ROBO2: variants seen among roughly 807,000 people sequenced by gnomAD.
The protein encoded by ROBO2 is roundabout homolog 2.
A neutral mutation model predicts 160.8 loss-of-function variants in ROBO2; 53 were observed. That is an observed-to-expected ratio of 0.33 (90% CI 0.26 to 0.41). The LOEUF (loss-of-function observed/expected upper bound fraction) is 0.41. Ranked by LOEUF, ROBO2 falls within the 10% of genes least tolerant of loss-of-function variation. The probability of loss-of-function intolerance (pLI) is 1.00; values close to 1 mark genes in which losing one functional copy is unlikely to be tolerated. For synonymous variants in ROBO2, 664 were observed against 611.7 expected, an observed-to-expected ratio of 1.09 and a Z score of -1.26; for missense variants, 1,577 against 1,722.4, an observed-to-expected ratio of 0.92 and a Z score of 1.49.
intron 2 of ROBO2, among the ~76,000 whole-genome samples, chr3:76,906,440 A>C (rs2148902510): frequency 6.6e-6 from 1 of 151,980 alleles, no homozygotes; most frequent in Non-Finnish European, 1.5e-5. Context: ...TAGGTTATTT[A>C]GCTGCACAGA....
At chr3:77,449,882 A>C (rs2080946328) in intron 2 of ROBO2, among the ~76,000 whole-genome samples, 1 of 152,150 alleles carries the variant, frequency 6.6e-6, no homozygotes, top group African/African-American at 2.4e-5. Context: ...AACAAGCCAC[A>C]GACCTTCTTG....
At chr3:76,394,452 C>T (rs536204682) in intron 2 of ROBO2, among the ~76,000 whole-genome samples, 4 of 152,242 alleles carry the variant, frequency 2.6e-5, no homozygotes, top group African/African-American at 9.6e-5. Context: ...TATCGGCCCC[C>T]ACTCTCTTCT....
intron 2 of ROBO2, among the ~76,000 whole-genome samples, chr3:76,933,350 G>A (rs1290304097): frequency 6.6e-6 from 1 of 152,050 alleles, no homozygotes; most frequent in Admixed American, 6.6e-5. Flanking sequence ...AATTACTTCA[G>A]CAAATTTTTA....
rs558261625 is a variant in ROBO2 at position 76,264,048 on chromosome 3, A to AT, written c.109+326447dup. ...AACACATGGACACAGGGAGAGGAAT[A>AT]TCACACTCCTGGGCCTTTCAGGGAG... On this transcript the variant is annotated intron_variant, in intron 2 of 26. Coordinates refer to the ROBO2 transcript ENST00000487694. 1.3e-3 allele frequency among the ~76,000 whole-genome samples: 192 copies of AT among 152,236 alleles called. 1 individual carries two copies. Among genetic ancestry groups the AT allele is most frequent in the African/African-American group, 4.4e-3 (183 of 41,564 alleles).
At chr3:77,503,437 T>C (rs561918003) in intron 5 of ROBO2, among the ~76,000 whole-genome samples, 2 of 150,966 alleles carry the variant, frequency 1.3e-5, no homozygotes, top group East Asian at 1.9e-4. Flanking sequence ...GGCAGGAGAA[T>C]GGCGTCAACC....
intron 1 of ROBO2, among the ~76,000 whole-genome samples, chr3:77,050,118 G>A (rs1449685364): frequency 1.3e-5 from 2 of 152,076 alleles, no homozygotes; most frequent in African/African-American, 4.8e-5. Context: ...TAGATTTCAG[G>A]GTTAGAGTAA....
intron 2 of ROBO2, among the ~76,000 whole-genome samples, chr3:77,305,827 G>T (rs1294665225): frequency 6.6e-6 from 1 of 152,138 alleles, no homozygotes; most frequent in Non-Finnish European, 1.5e-5. Flanking sequence ...TCTCCAGATG[G>T]AGTATGAAAT....
chr3:77,642,438 C>T lies in ROBO2; in HGVS notation c.3935-2266C>T, dbSNP rs188909891. Among the ~76,000 whole-genome samples, 5 of 152,306 alleles carry T rather than the reference C, an allele frequency of 3.3e-5. No individual in the cohort carries two copies. In the East Asian group the frequency reaches 5.8e-4, roughly 18 times the overall value. ...AATATGTAACTGAAAACACTTTCCA[C>T]ATTTAACTGTTGAATAAAACTAGTC... On this transcript the variant is annotated intron_variant, in intron 24 of 25. Coordinates refer to ENST00000461745, the Ensembl canonical transcript of ROBO2.
intron 2 of ROBO2, among the ~76,000 whole-genome samples, chr3:76,611,000 T>C (rs1461964917): frequency 6.6e-6 from 1 of 152,146 alleles, no homozygotes; most frequent in African/African-American, 2.4e-5. Context: ...CGAGAGTGGG[T>C]AGCCCTTCAT....
intron 2 of ROBO2, among the ~76,000 whole-genome samples, chr3:76,374,822 T>C (rs527330552): frequency 6.6e-6 from 1 of 152,140 alleles, no homozygotes; most frequent in African/African-American, 2.4e-5. Context: ...CCACTCAGCC[T>C]TAAGAAGACC....
chr3:77,393,368 A>G (rs900044741), intron 2 of ROBO2, among the ~76,000 whole-genome samples: 3 of 151,998 alleles, frequency 2.0e-5, no homozygotes, highest in Non-Finnish European at 4.4e-5. Flanking sequence ...CAGCTGGTGA[A>G]CAGCATTAAC....
rs1265315814 is a variant in ROBO2 at position 75,944,164 on chromosome 3, A to T, written c.109+6562A>T. On this transcript the variant is annotated intron_variant, in intron 2 of 26. Transcript: ENST00000487694. ...TACAAGCAGGCACACATCCTATCTC[A>T]CTTTATCCTGTGATCAGTCTCATAA... Among the ~76,000 whole-genome samples, 3 of 152,182 alleles carry T rather than the reference A, an allele frequency of 2.0e-5. No homozygotes were observed. In the East Asian group the frequency reaches 5.8e-4, roughly 29 times the overall value.
intron 4 of ROBO2, 26 bp downstream of exon 4, chr3:77,481,245 T>C: frequency 6.7e-7 from 1 of 1,487,752 alleles, no homozygotes; most frequent in Non-Finnish European, 8.9e-7. Context: ...AAATTATAAA[T>C]TTTTATTTTT....
At chr3:76,246,829 A>G (rs995910695) in intron 2 of ROBO2, among the ~76,000 whole-genome samples, 1 of 152,108 alleles carries the variant, frequency 6.6e-6, no homozygotes, top group African/African-American at 2.4e-5. Flanking sequence ...ATATAACTTT[A>G]TTAGAATTGA....
At chr3:77,388,769 G>A (rs1007541435) in intron 2 of ROBO2, among the ~76,000 whole-genome samples, 1 of 152,080 alleles carries the variant, frequency 6.6e-6, no homozygotes, top group African/African-American at 2.4e-5. Flanking sequence ...TAAATTGACT[G>A]TAAATTAGAA....
At chr3:76,748,670 G>C (rs1218271922) in intron 2 of ROBO2, among the ~76,000 whole-genome samples, 1 of 151,672 alleles carries the variant, frequency 6.6e-6, no homozygotes, top group Non-Finnish European at 1.5e-5. Context: ...TTATCTAATT[G>C]GTGGTGTGTT....
intron 2 of ROBO2, among the ~76,000 whole-genome samples, chr3:76,854,233 A>G (rs1303204562): frequency 6.6e-6 from 1 of 152,066 alleles, no homozygotes; most frequent in African/African-American, 2.4e-5. Flanking sequence ...CATTGTATGG[A>G]TGAACCATGA....
chr3:77,616,007 A>G (rs556001610), intron 21 of ROBO2, among the ~76,000 whole-genome samples: 1 of 152,224 alleles, frequency 6.6e-6, no homozygotes, highest in African/African-American at 2.4e-5. Flanking sequence ...AGGTGCAAGA[A>G]GTAGATAAGA....
At chr3:77,017,491 A>T (rs1317304224) in intron 2 of ROBO2, among the ~76,000 whole-genome samples, 1 of 152,222 alleles carries the variant, frequency 6.6e-6, no homozygotes, top group Non-Finnish European at 1.5e-5. Flanking sequence ...CTTGAGCATT[A>T]GTTCATGAAA....
Sources: gnomAD v4.1 joint callset for allele counts (sites outside exome capture counted in the v4.1 genomes callset) on GRCh38, gnomAD v4.1.1 for gene constraint, MANE v1.5 for transcripts, NCBI Gene and HGNC (gene_info 2026-07-23, HGNC 2026-07-21) for gene names.